The following SKA1 variants were observed in gnomAD, a reference collection of about 807,000 sequenced individuals.
SKA1 encodes the protein spindle and kinetochore associated complex subunit 1.
A neutral mutation model predicts 31.8 loss-of-function variants in SKA1; 20 were observed. The observed-to-expected ratio is 0.63, with a 90% CI of 0.44 to 0.91. The LOEUF (loss-of-function observed/expected upper bound fraction) is 0.91, where lower values mean the gene tolerates loss of function less well. Ranked by LOEUF, SKA1 falls within the 40% of genes least tolerant of loss-of-function variation. SKA1 has a pLI of 0.00. For synonymous variants in SKA1, 88 were observed against 100.5 expected, an observed-to-expected ratio of 0.88 and a Z score of 0.74; for missense variants, 253 against 298.2, an observed-to-expected ratio of 0.85 and a Z score of 1.12.
Position 50,378,452 on chromosome 18 carries a change from G to A in SKA1, c.89-1674G>A, listed in dbSNP as rs150871920. Among the ~76,000 whole-genome samples, 527 of 152,262 alleles carry A rather than the reference G, an allele frequency of 3.5e-3. 9 individuals are homozygous for A. The highest frequency in any genetic ancestry group is 0.012 in the African/African-American group (494 of 41,538). On this transcript the variant is annotated intron_variant, in intron 2 of 6. Coordinates refer to ENST00000285116, the MANE Select transcript of SKA1 (RefSeq NM_145060.4). ...AGCACTTTGGGAGGCCAAGGCAGGC[G>A]GATCGCTTGAGCTTAGGAGTTTGAG...
chr18:50,386,488 T>G (rs1476895501), intron 5 of SKA1, among the ~76,000 whole-genome samples: 2 of 152,216 alleles, frequency 1.3e-5, no homozygotes, highest in East Asian at 3.8e-4. Flanking sequence ...GCTTCTCCCC[T>G]GCACACAGTT....
rs375763517 is a variant in SKA1 at position 50,392,352 on chromosome 18, C to CTTT, written c.*117_*119dup. ...TTTAACTTTTAATCTTTTTTGTTTC[C>CTTT]TTTTTTTTTTTTTTGAGACAGGATC... On this transcript the variant is annotated 3_prime_UTR_variant, in exon 7 of 7. Coordinates refer to ENST00000285116, the MANE Select transcript of SKA1 (RefSeq NM_145060.4). 6.7e-3 allele frequency: 3,808 copies of CTTT among 570,630 alleles called. 41 individuals are homozygous for CTTT. The East Asian group carries it at 0.078, about 12-fold the overall frequency. The allele number at this position is 570,630 out of a possible 1,614,324, so 35.3% of individuals were successfully genotyped here.
At position 50,375,920 on chromosome 18, in the gene SKA1, T is replaced by C. The variant is rs754901196; in HGVS notation, c.88+2T>C. The C allele has an allele frequency of 1.0e-5, 16 of 1,550,394 alleles. No individual in the cohort carries two copies. The highest frequency in any genetic ancestry group is 1.7e-5 in the Admixed American group (1 of 57,776). ...AAACCTTATCATTAAGAAACTGTGG[T>C]AAGTAAAACAGATTCCACTGACTTT... On this transcript the variant is annotated splice_donor_variant, in intron 2 of 6. Transcript: ENST00000285116. LOFTEE classifies it high-confidence loss of function.
At chr18:50,379,151 T>C (rs562924984) in intron 2 of SKA1, among the ~76,000 whole-genome samples, 1 of 152,348 alleles carries the variant, frequency 6.6e-6, no homozygotes, top group African/African-American at 2.4e-5. Context: ...ATTATGAAGG[T>C]AGTTTTTCTT....
rs114822587 is a variant in SKA1 at position 50,378,992 on chromosome 18, G to A, written c.89-1134G>A. Among the ~76,000 whole-genome samples, 742 of 152,274 alleles carry A rather than the reference G, an allele frequency of 4.9e-3. 3 individuals are homozygous for A. The highest frequency in any genetic ancestry group is 0.017 in the African/African-American group (713 of 41,550). Reference sequence around the variant, plus strand: ...ATATGTACTTTCACCTATCTTCACAGTAATGAGGTAGGTACTTGGTGTCTC... The same window carrying A: ...ATATGTACTTTCACCTATCTTCACAATAATGAGGTAGGTACTTGGTGTCTC... On this transcript the variant is annotated intron_variant, in intron 2 of 6. Transcript: ENST00000285116.
chr18:50,386,405 A>G (rs1052486387), intron 5 of SKA1, among the ~76,000 whole-genome samples: 6 of 152,292 alleles, frequency 3.9e-5, no homozygotes, highest in East Asian at 1.9e-4. Context: ...TGTTTTATTT[A>G]ATAAAGTATA....
At chr18:50,386,482 C>T (rs1200209769) in intron 5 of SKA1, among the ~76,000 whole-genome samples, 2 of 152,208 alleles carry the variant, frequency 1.3e-5, no homozygotes, top group Non-Finnish European at 2.9e-5. Context: ...CATACCGCTT[C>T]TCCCCTGCAC....
intron 5 of SKA1, among the ~76,000 whole-genome samples, chr18:50,388,176 C>G (rs2041325865): frequency 6.6e-6 from 1 of 152,344 alleles, no homozygotes; most frequent in South Asian, 2.1e-4. Flanking sequence ...CAAGCTCCGC[C>G]TCCCAGGTTC....
At chr18:50,384,871 T>TAAAAAAAAAAAAAAAAAAAAGA (rs10608403) in intron 4 of SKA1, among the ~76,000 whole-genome samples, 17 of 82,580 alleles carry the variant, frequency 2.1e-4, no homozygotes, top group East Asian at 7.6e-4. Flanking sequence ...AAAAAAAAAT[T>TAAAAAAAAAAAAAAAAAAAAGA]AAAAAAAAAA....
intron 2 of SKA1, among the ~76,000 whole-genome samples, chr18:50,377,995 T>TA (rs1283951510): frequency 1.3e-5 from 2 of 152,322 alleles, no homozygotes; most frequent in African/African-American, 4.8e-5. Context: ...CTGGCCCAGG[T>TA]CCCTCAGCTC....
intron 2 of SKA1, 124 bp downstream of exon 2, chr18:50,376,042 A>T: frequency 1.7e-6 from 1 of 583,538 alleles, no homozygotes; most frequent in Non-Finnish European, 3.0e-6. Flanking sequence ...TTGCATAACG[A>T]TTTTTTAAAT....
At chr18:50,378,539 G>T (rs1005536408) in intron 2 of SKA1, among the ~76,000 whole-genome samples, 2 of 152,100 alleles carry the variant, frequency 1.3e-5, no homozygotes, top group Non-Finnish European at 2.9e-5. Flanking sequence ...GCCAGGTGTG[G>T]TGGCGTTTAC....
At chr18:50,384,871 T>TTAAAAAAAAAAAAAAAAA (rs2041291752) in intron 4 of SKA1, among the ~76,000 whole-genome samples, 1 of 82,600 alleles carries the variant, frequency 1.2e-5, no homozygotes. Context: ...AAAAAAAAAT[T>TTAAAAAAAAAAAAAAAAA]AAAAAAAAAA....
At chr18:50,391,672 G>A (rs1366406324) in intron 6 of SKA1, among the ~76,000 whole-genome samples, 1 of 152,172 alleles carries the variant, frequency 6.6e-6, no homozygotes, top group African/African-American at 2.4e-5. Flanking sequence ...TAGTCCTGTT[G>A]ATATAGCTAC....
In SKA1 at chr18:50,392,400, GC is replaced by G. The variant is rs1037002689; in HGVS notation, c.*154del. On this transcript the variant is annotated 3_prime_UTR_variant, in exon 7 of 7. Coordinates refer to ENST00000285116, the MANE Select transcript of SKA1 (RefSeq NM_145060.4). ...ATCTTGCTTTGTCACCCAGGGGCTT[GC>G]TTTGTCACGCAGGCTAGAGTGCAGT... The G allele has an allele frequency of 8.8e-6, 4 of 452,560 alleles. No individual in the cohort carries two copies. Among genetic ancestry groups the G allele is most frequent in the Non-Finnish European group, 1.4e-5 (4 of 292,706 alleles). 28.0% of individuals were successfully genotyped at this position (452,560 alleles called of 1,614,324 possible).
chr18:50,392,073 A>C, intron 6 of SKA1, 26 bp from the exon 7 acceptor site: 1 of 1,524,412 alleles, frequency 6.6e-7, no homozygotes, highest in Non-Finnish European at 8.8e-7. Context: ...CCTTATAAAA[A>C]TTAGCACTAA....
rs936436738 is a variant in SKA1 at position 50,381,733 on chromosome 18, T to G, written c.214-396T>G. ...ACTCCAGTCAATGTGGTTTTTTTTT[T>G]TTTTTTTTTTTGAGACGAGCCTTTC... On this transcript the variant is annotated intron_variant, in intron 3 of 6. Transcript: ENST00000285116. Among the ~76,000 whole-genome samples the G allele has an allele frequency of 7.1e-4, 106 of 150,108 alleles. 1 individual carries two copies. In the East Asian group the frequency reaches 0.014, roughly 20 times the overall value.
rs559471886 is a variant in SKA1, at chr18:50,393,195, C to T, written c.*948C>T. 13 of 152,326 alleles carry T rather than the reference C, an allele frequency of 8.5e-5. No individual in the cohort carries two copies. In the South Asian group the frequency reaches 2.1e-3, roughly 24 times the overall value. The allele number at this position is 152,326 out of a possible 1,614,324, so 9.4% of individuals were successfully genotyped here. A position where few individuals can be genotyped will look rare whatever the true frequency, so the allele number is the denominator to read the frequency against. ...ATAAGATTGGGTACAGATCGGCATG[C>T]GCCTGTAGTCCCAGCTACTCAGGAG... On this transcript the variant is annotated 3_prime_UTR_variant, in exon 7 of 7. Transcript: ENST00000285116.
At chr18:50,376,566 G>GAC (rs2041217472) in intron 2 of SKA1, among the ~76,000 whole-genome samples, 1 of 151,960 alleles carries the variant, frequency 6.6e-6, no homozygotes, top group Admixed American at 6.6e-5. Context: ...GACAGTGACT[G>GAC]TGAGGGCCTA....
Sources: gnomAD v4.1 joint callset for allele counts (sites outside exome capture counted in the v4.1 genomes callset) on GRCh38, gnomAD v4.1.1 for gene constraint, MANE v1.5 for transcripts, NCBI Gene and HGNC (gene_info 2026-07-23, HGNC 2026-07-21) for gene names.